CALN1: variants seen among roughly 807,000 people sequenced by gnomAD.
CALN1 encodes the protein calcium-binding protein 8.
CALN1 carries 17 observed loss-of-function variants against 30.6 expected under a neutral mutation model. That is an observed-to-expected ratio of 0.56 (90% CI 0.38 to 0.83). The LOEUF is 0.83. Ranked by LOEUF, CALN1 falls within the 40% of genes least tolerant of loss-of-function variation. CALN1 has a pLI of 0.00. For synonymous variants in CALN1, 156 were observed against 131.4 expected (o/e 1.19, Z -1.28); for missense variants, 291 against 354.9 (o/e 0.82, Z 1.45).
chr7:71,787,994 T>G, intron 6 of CALN1, 92 bp from the exon 7 acceptor site: 128 of 1,525,508 alleles, frequency 8.4e-5, no homozygotes, highest in Non-Finnish European at 1.0e-4. Context: ...GTTGCAACTC[T>G]TCCTCAACAG....
chr7:71,937,922 C>T (rs75022268), intron 5 of CALN1, among the ~76,000 whole-genome samples: 11,217 of 152,274 alleles, frequency 0.074, 734 homozygotes, highest in East Asian at 0.22. Context: ...CTGCCCTTTT[C>T]CAGAACCACA....
chr7:72,393,400 C>A (rs1805706619), intron 2 of CALN1, among the ~76,000 whole-genome samples: 2 of 152,104 alleles, frequency 1.3e-5, no homozygotes, highest in Admixed American at 6.5e-5. Context: ...GGAGGCAGAG[C>A]TTGCAGTGAG....
intron 4 of CALN1, among the ~76,000 whole-genome samples, chr7:72,095,656 G>A (rs955124971): frequency 1.3e-5 from 2 of 152,148 alleles, no homozygotes; most frequent in Non-Finnish European, 2.9e-5. Context: ...AATTGGGTTT[G>A]CTTTCCATTT....
chr7:71,992,708 G>C (rs978277398), intron 5 of CALN1, among the ~76,000 whole-genome samples: 12 of 152,162 alleles, frequency 7.9e-5, no homozygotes, highest in African/African-American at 2.9e-4. Flanking sequence ...TCTGGAGTTT[G>C]TGTTTCCTGA....
At chr7:71,810,265 T>C (rs1451310255) in intron 6 of CALN1, 71 bp downstream of exon 6, 2 of 1,510,466 alleles carry the variant, frequency 1.3e-6, no homozygotes, top group South Asian at 1.3e-5. Flanking sequence ...TGTGAACGCA[T>C]TTTTCATATA....
intron 2 of CALN1, among the ~76,000 whole-genome samples, chr7:72,383,358 G>A (rs2903635): frequency 6.6e-6 from 1 of 152,180 alleles, no homozygotes; most frequent in Non-Finnish European, 1.5e-5. Flanking sequence ...CACAGTGGTT[G>A]AACTAACTTG....
chr7:71,963,598 C>T (rs1011657789), intron 5 of CALN1, among the ~76,000 whole-genome samples: 4 of 152,200 alleles, frequency 2.6e-5, no homozygotes, highest in African/African-American at 9.6e-5. Flanking sequence ...AGCCACCGTG[C>T]CCAGCCTAGG....
At chr7:72,137,804 G>A (rs1255535228) in intron 3 of CALN1, among the ~76,000 whole-genome samples, 1 of 152,144 alleles carries the variant, frequency 6.6e-6, no homozygotes, top group Non-Finnish European at 1.5e-5. Context: ...AACAGTGGAG[G>A]ACATCACGCC....
chr7:71,962,407 A>C (rs1438538251), intron 5 of CALN1, among the ~76,000 whole-genome samples: 4 of 152,082 alleles, frequency 2.6e-5, no homozygotes, highest in Non-Finnish European at 5.9e-5. Flanking sequence ...AGCCTCCAAT[A>C]AATTAATTAA....
chr7:72,023,576 G>T (rs1253766455), intron 5 of CALN1, 81 bp downstream of exon 5: 3 of 1,004,636 alleles, frequency 3.0e-6, no homozygotes, highest in Non-Finnish European at 4.6e-6. Context: ...GTGCCAAATA[G>T]AAGTTCAAGA....
intron 5 of CALN1, among the ~76,000 whole-genome samples, chr7:71,852,903 T>C (rs1790732582): frequency 6.6e-6 from 1 of 151,656 alleles, no homozygotes; most frequent in Admixed American, 6.6e-5. Flanking sequence ...CTTTACAGGA[T>C]TGTTTGTCTT....
chr7:72,186,885 CTTTTTTTTTTTTTTT>C (rs34604151), intron 3 of CALN1, among the ~76,000 whole-genome samples: 1 of 61,296 alleles, frequency 1.6e-5, no homozygotes, highest in African/African-American at 6.0e-5. Context: ...GAGTGCAGAG[CTTTTTTTTTTTTTTT>C]TTTTTTTTTG....
intron 3 of CALN1, among the ~76,000 whole-genome samples, chr7:72,152,474 G>T (rs564757263): frequency 6.6e-6 from 1 of 152,112 alleles, no homozygotes; most frequent in South Asian, 2.1e-4. Flanking sequence ...ATCTTTCTAG[G>T]GCTTCTTCAG....
chr7:72,286,330 C>T (rs1472973761), intron 2 of CALN1, among the ~76,000 whole-genome samples: 3 of 152,070 alleles, frequency 2.0e-5, no homozygotes, highest in East Asian at 3.9e-4. Context: ...ACTCATGGAT[C>T]ATAACTCCCA....
chr7:72,346,116 T>C (rs1347308711), intron 2 of CALN1, among the ~76,000 whole-genome samples: 1 of 152,198 alleles, frequency 6.6e-6, no homozygotes, highest in Non-Finnish European at 1.5e-5. Context: ...TCTTAATTTC[T>C]TTCTAATTCA....
Position 72,043,863 on chromosome 7 carries a change from C to T in CALN1, c.389-20094G>A, listed in dbSNP as rs540575649. ...AAGAAGTTTAATTGGACTTACAGTT[C>T]CACATGGCTGGGGAGGCCTCACAAT... On this transcript the variant is annotated intron_variant, in intron 4 of 6. Transcript: ENST00000395275. 4.6e-5 allele frequency among the ~76,000 whole-genome samples: 7 copies of T among 152,294 alleles called. No individual in the cohort carries two copies. The South Asian group carries it at 6.2e-4, about 14-fold the overall frequency.
At chr7:71,918,789 T>C (rs1794801948) in intron 5 of CALN1, among the ~76,000 whole-genome samples, 1 of 152,164 alleles carries the variant, frequency 6.6e-6, no homozygotes, top group Non-Finnish European at 1.5e-5. Flanking sequence ...CCCCAGCTCC[T>C]TGGAATTCTA....
intron 5 of CALN1, among the ~76,000 whole-genome samples, chr7:71,871,005 A>G (rs975110307): frequency 1.3e-5 from 2 of 152,110 alleles, no homozygotes; most frequent in Admixed American, 6.6e-5. Context: ...TGGGCCCTCA[A>G]CTGTCTGACA....
intron 2 of CALN1, among the ~76,000 whole-genome samples, chr7:72,366,872 A>G (rs926703848): frequency 2.6e-5 from 4 of 152,134 alleles, no homozygotes; most frequent in African/African-American, 9.7e-5. Flanking sequence ...CATGCACTAG[A>G]ATATTTATAG....
Sources: gnomAD v4.1 joint callset for allele counts (sites outside exome capture counted in the v4.1 genomes callset) on GRCh38, gnomAD v4.1.1 for gene constraint, MANE v1.5 for transcripts, NCBI Gene and HGNC (gene_info 2026-07-23, HGNC 2026-07-21) for gene names.